Variants in LIFR observed in about 807,000 individuals in gnomAD.
The protein encoded by LIFR is LIF receptor subunit alpha.
Under a neutral mutation model 122.2 loss-of-function variants are expected in LIFR, and 84 were observed. The ratio of observed to expected loss-of-function variants is 0.69; its 90% CI spans 0.58 to 0.82. LIFR has a LOEUF of 0.82. LIFR is among the 40% of genes least tolerant of loss of function. The probability of loss-of-function intolerance (pLI) is 0.00; values close to 1 mark genes in which losing one functional copy is unlikely to be tolerated. For missense variants in LIFR, 1,294 were observed against 1,311.6 expected, an observed-to-expected ratio of 0.99 and a Z score of 0.21; for synonymous variants, 422 against 434.7, an observed-to-expected ratio of 0.97 and a Z score of 0.36.
At chr5:38,603,639 C>A (rs1450610587) in intron 2 of LIFR, among the ~76,000 whole-genome samples, 3 of 150,418 alleles carry the variant, frequency 2.0e-5, no homozygotes, top group Non-Finnish European at 4.5e-5. Context: ...CCCCAGGGTC[C>A]AGGGGTTCTG....
At chr5:38,580,991 G>A (rs1332757262) in intron 1 of LIFR, among the ~76,000 whole-genome samples, 1 of 152,120 alleles carries the variant, frequency 6.6e-6, no homozygotes, top group Non-Finnish European at 1.5e-5. Context: ...TCTTTGGAGT[G>A]ACTTAGCCAA....
At chr5:38,562,487 A>G (rs544581905) in intron 1 of LIFR, among the ~76,000 whole-genome samples, 1 of 152,314 alleles carries the variant, frequency 6.6e-6, no homozygotes, top group East Asian at 1.9e-4. Context: ...CCCATCGTAC[A>G]TCCAGAATAC....
intron 4 of LIFR, among the ~76,000 whole-genome samples, chr5:38,524,574 CTCAAGTTTCTA>C (rs1297139340): frequency 6.6e-6 from 1 of 152,188 alleles, no homozygotes; most frequent in African/African-American, 2.4e-5. Flanking sequence ...CCAATATTCT[CTCAAGTTTCTA>C]GCTCAGAAAG....
chr5:38,537,932 C>CT (rs1054226607), intron 1 of LIFR, among the ~76,000 whole-genome samples: 5 of 152,166 alleles, frequency 3.3e-5, no homozygotes, highest in Admixed American at 3.3e-4. Context: ...TTGTTTAACT[C>CT]TTACTAGATC....
At position 38,493,762 on chromosome 5, in the gene LIFR, C is replaced by A; in HGVS notation, c.1909G>T (p.Val637Phe). The change falls in exon 14 of 20, where the codon GTT (valine) becomes TTT (phenylalanine). Residue 637 changes from valine (V) to phenylalanine (F), a missense_variant. Transcript: ENST00000453190. The stretch of plus-strand genomic sequence containing the variant: ...AGGAGAATCCCCTTTCCCATCCCAA[C>A]AACTTGTTCTATTTTGAGATCATCT... ...PNDDLKIEQVVGMGKGILLTW... is the reference protein window; with the variant it reads ...PNDDLKIEQVFGMGKGILLTW... The A allele has an allele frequency of 6.2e-7, 1 of 1,614,028 alleles. No individual in the cohort carries two copies. Among genetic ancestry groups the A allele is most frequent in the Non-Finnish European group, 8.5e-7 (1 of 1,179,958 alleles).
At chr5:38,552,772 T>C (rs540118705) in intron 1 of LIFR, among the ~76,000 whole-genome samples, 2 of 152,342 alleles carry the variant, frequency 1.3e-5, no homozygotes, top group East Asian at 1.9e-4. Context: ...TTGGCTGATG[T>C]CAAAGGCCAG....
chr5:38,544,937 C>T (rs946263561), intron 1 of LIFR, among the ~76,000 whole-genome samples: 1 of 152,100 alleles, frequency 6.6e-6, no homozygotes, highest in African/African-American at 2.4e-5. Context: ...ATCTAGTGTG[C>T]AGTTATGCAC....
intron 4 of LIFR, among the ~76,000 whole-genome samples, chr5:38,526,637 T>C (rs1268012138): frequency 6.6e-6 from 1 of 152,166 alleles, no homozygotes; most frequent in Non-Finnish European, 1.5e-5. Flanking sequence ...GATGTATCCA[T>C]CTCCTCCGTT....
upstream of LIFR, chr5:38,558,208 A>G (rs1044142536): frequency 5.3e-5 from 8 of 152,144 alleles, no homozygotes; most frequent in Non-Finnish European, 7.3e-5. Flanking sequence ...GTGTATATGT[A>G]TATATATTTT....
intron 1 of LIFR, among the ~76,000 whole-genome samples, chr5:38,553,200 C>T (rs966271046): frequency 3.3e-5 from 5 of 152,152 alleles, no homozygotes; most frequent in African/African-American, 1.2e-4. Flanking sequence ...GCCTAAGCCA[C>T]TCTTCTTTCA....
chr5:38,606,372 G>A (rs1480244562), intron 1 of LIFR: 1 of 151,980 alleles, frequency 6.6e-6, no homozygotes, highest in Non-Finnish European at 1.5e-5. Flanking sequence ...ACAGAGAGAC[G>A]GTTCCACACA....
In LIFR at chr5:38,589,881, A is replaced by G. The variant is rs182347509; in HGVS notation, c.-20+5380T>C. ...CTGGAAATGCTAGAATTGTGAGGGC[A>G]GGGTGTGGCAAAATTTCTACTTTTC... is the stretch of plus-strand genomic sequence containing the variant. On this transcript the variant is annotated intron_variant, in intron 1 of 19. Coordinates refer to the LIFR transcript ENST00000263409. 5.1e-3 allele frequency among the ~76,000 whole-genome samples: 772 copies of G among 152,270 alleles called. 3 individuals carry two copies. The highest frequency in any genetic ancestry group is 0.012 in the South Asian group (56 of 4,822).
chr5:38,486,408 A>G (rs1744287435), intron 16 of LIFR, among the ~76,000 whole-genome samples: 1 of 152,228 alleles, frequency 6.6e-6, no homozygotes, highest in Admixed American at 6.5e-5. Context: ...CCTGCAGATC[A>G]ATAGAGATGA....
At chr5:38,603,047 GCACGCGGGCCGCC>G (rs1461139296) in intron 2 of LIFR, among the ~76,000 whole-genome samples, 3 of 152,140 alleles carry the variant, frequency 2.0e-5, no homozygotes, top group Non-Finnish European at 4.4e-5. Flanking sequence ...CAGGCACTGT[GCACGCGGGCCGCC>G]CACCCGAAGG....
chr5:38,597,406 C>T (rs767367674), upstream of LIFR, among the ~76,000 whole-genome samples: 1 of 152,176 alleles, frequency 6.6e-6, no homozygotes, highest in African/African-American at 2.4e-5. Context: ...ACTTTTCCTT[C>T]CTAGCATCCC....
intron 1 of LIFR, among the ~76,000 whole-genome samples, chr5:38,578,079 T>C (rs1239982050): frequency 6.6e-6 from 1 of 152,214 alleles, no homozygotes; most frequent in South Asian, 2.1e-4. Flanking sequence ...ACAAGCTGCA[T>C]TGGTAACATC....
At chr5:38,493,414 T>G (rs1744703135) in intron 14 of LIFR, among the ~76,000 whole-genome samples, 192 bp downstream of exon 14, 1 of 152,180 alleles carries the variant, frequency 6.6e-6, no homozygotes, top group African/African-American at 2.4e-5. Context: ...AAGAATAAAT[T>G]TCTAGACCAG....
At chr5:38,580,078 GA>G (rs1170168942) in intron 1 of LIFR, among the ~76,000 whole-genome samples, 1 of 152,174 alleles carries the variant, frequency 6.6e-6, no homozygotes, top group Non-Finnish European at 1.5e-5. Flanking sequence ...TGTCATTTTA[GA>G]AGTTCATAAA....
At position 38,530,517 on chromosome 5, in the gene LIFR, C is replaced by G; in HGVS notation, c.131G>C (p.Ser44Thr). 6.2e-7 allele frequency: 1 copy of G among 1,612,640 alleles called. No individual in the cohort carries two copies. Among genetic ancestry groups the G allele is most frequent in the Non-Finnish European group, 8.5e-7 (1 of 1,178,714 alleles). Residue 44 changes from serine to threonine, a missense_variant, in exon 2 of 20, where the codon AGC becomes ACC. Physicochemically the swap from Ser to Thr is moderately conservative, Grantham distance 58 (BLOSUM62 1). Coordinates refer to ENST00000453190, the MANE Select transcript of LIFR (RefSeq NM_001127671.2). ...GCTGATGCACTTACCCTTTTTCTGG[C>G]TATTTACTTGATTCATTAGATATAG... The part of the protein sequence containing the change: ...ILLYLMNQVN[S>T]QKKGAPHDLK...
Sources: gnomAD v4.1 joint callset for allele counts (sites outside exome capture counted in the v4.1 genomes callset) on GRCh38, gnomAD v4.1.1 for gene constraint, MANE v1.5 for transcripts, NCBI Gene and HGNC (gene_info 2026-07-23, HGNC 2026-07-21) for gene names.